LRRC9: variants seen among roughly 807,000 people sequenced by gnomAD.
LRRC9 encodes leucine rich repeat containing 9, also known as leucine-rich repeat-containing protein 9.
LRRC9 carries 122 observed loss-of-function variants against 63.2 expected under a neutral mutation model. The observed-to-expected ratio is 1.93, with a 90% confidence interval of 1.67 to 2.24. The LOEUF is 2.24. LRRC9 is among the 30% of genes most tolerant of loss of function. LRRC9 has a pLI of 0.00. For missense variants in LRRC9, 1,071 were observed against 627.7 expected, an observed-to-expected ratio of 1.71 and a Z score of -7.55; for synonymous variants, 366 against 213.1, an observed-to-expected ratio of 1.72 and a Z score of -6.25.
Position 59,967,090 on chromosome 14 carries a change from C to A in LRRC9, c.1389-6C>A. ...TCAAACTTTTTCTGTTTCAATTATTCTTAAGGAGCTACCGAAGGATGCTGG... is the reference window on the plus strand; with the variant it reads ...TCAAACTTTTTCTGTTTCAATTATTATTAAGGAGCTACCGAAGGATGCTGG... On this transcript the variant is annotated splice_region_variant and splice_polypyrimidine_tract_variant and intron_variant, in intron 11 of 31. Coordinates refer to ENST00000445360, the Ensembl canonical transcript of LRRC9. 1 of 621,662 alleles carries A rather than the reference C, an allele frequency of 1.6e-6. No individual in the cohort carries two copies. Among genetic ancestry groups the A allele is most frequent in the South Asian group, 1.8e-5 (1 of 55,386 alleles). 38.5% of individuals were successfully genotyped at this position (621,662 alleles called of 1,614,324 possible). A position where few individuals can be genotyped will look rare whatever the true frequency, so the allele number is the denominator to read the frequency against.
chr14:59,952,263 C>G (rs978008510), intron 8 of LRRC9, among the ~76,000 whole-genome samples: 1 of 152,178 alleles, frequency 6.6e-6, no homozygotes, highest in Admixed American at 6.5e-5. Flanking sequence ...ACCCGATTTT[C>G]CAGGTGCGTC....
At chr14:59,967,943 C>T (rs2140006519) in intron 12 of LRRC9, among the ~76,000 whole-genome samples, 1 of 152,184 alleles carries the variant, frequency 6.6e-6, no homozygotes, top group Non-Finnish European at 1.5e-5. Flanking sequence ...TGAGATAATG[C>T]ATTAAAAATT....
chr14:59,932,426 A>G lies in LRRC9; in HGVS notation c.543+387A>G, dbSNP rs1889778889. ...ATCTCATCATGCCTTAAGACTTTAA[A>G]TACCGTTTATCTACCCTTTAAACTA... On this transcript the variant is annotated intron_variant, in intron 6 of 31. Coordinates refer to ENST00000445360, the Ensembl canonical transcript of LRRC9. This position sits in a 1 kb window ranked among gnomAD's most constrained non-coding sequence, Gnocchi z 4.7. 6.6e-6 allele frequency among the ~76,000 whole-genome samples: 1 copy of G among 152,136 alleles called. No individual in the cohort carries two copies. Among genetic ancestry groups the G allele is most frequent in the Non-Finnish European group, 1.5e-5 (1 of 68,002 alleles).
chr14:59,959,020 C>T (rs754295192), intron 8 of LRRC9, among the ~76,000 whole-genome samples: 11 of 152,178 alleles, frequency 7.2e-5, no homozygotes, highest in Non-Finnish European at 1.2e-4. Context: ...GCATTGGTCT[C>T]ACTGGAAGCT....
chr14:59,946,355 C>T (rs1446844235), intron 8 of LRRC9, among the ~76,000 whole-genome samples: 2 of 150,620 alleles, frequency 1.3e-5, no homozygotes, highest in Admixed American at 6.6e-5. Flanking sequence ...CACAAGAGAT[C>T]AATAAATGGA....
At position 60,031,428 on chromosome 14, in the gene LRRC9, A is replaced by G. The variant is rs897372695; in HGVS notation, c.3922-567A>G. Among the ~76,000 whole-genome samples the G allele has an allele frequency of 6.6e-6, 1 of 152,022 alleles. No homozygotes were observed. Among genetic ancestry groups the G allele is most frequent in the Non-Finnish European group, 1.5e-5 (1 of 67,942 alleles). On this transcript the variant is annotated intron_variant, in intron 28 of 31. Coordinates refer to ENST00000445360, the Ensembl canonical transcript of LRRC9. This position sits in a 1 kb window ranked among gnomAD's most constrained non-coding sequence, Gnocchi z 4.6. ...GCATTTTAGAAATAATTTTGCAAAA[A>G]CTAAAATGTATTTGCAAACTTTCAC...
chr14:60,025,455 T>G (rs219399), intron 27 of LRRC9, among the ~76,000 whole-genome samples: 128,208 of 151,802 alleles, frequency 0.84, 54,621 homozygotes, highest in Non-Finnish European at 0.89. Flanking sequence ...CCTAACCCTG[T>G]AAGGTCTATT....
chr14:59,952,773 G>GT lies in LRRC9; in HGVS notation c.883-7045_883-7044insT, dbSNP rs1594858943. Among the ~76,000 whole-genome samples, 4 of 152,108 alleles carry GT rather than the reference G, an allele frequency of 2.6e-5. No homozygotes were observed. In the East Asian group the frequency reaches 7.7e-4, roughly 29 times the overall value. On this transcript the variant is annotated intron_variant, in intron 8 of 31. Transcript: ENST00000445360. Reference sequence around the variant, plus strand: ...GTCATCTAGGTTTTAAGCCCCGCATGCATTAGGTATTTGTCCTAATGCTCT... The same window carrying GT: ...GTCATCTAGGTTTTAAGCCCCGCATGTCATTAGGTATTTGTCCTAATGCTCT...
At chr14:60,010,054 G>A (rs1231808665) in intron 23 of LRRC9, among the ~76,000 whole-genome samples, 1 of 152,152 alleles carries the variant, frequency 6.6e-6, no homozygotes, top group Admixed American at 6.5e-5. Flanking sequence ...CCAGGTGCAC[G>A]GTGCAAGCTG....
intron 8 of LRRC9, among the ~76,000 whole-genome samples, chr14:59,953,086 CT>C (rs1436841571): frequency 6.6e-6 from 1 of 152,178 alleles, no homozygotes; most frequent in Admixed American, 6.5e-5. Context: ...GGTTCCAAGC[CT>C]TTGCTATTGT....
chr14:60,001,138 C>T (rs1218390636), intron 19 of LRRC9, among the ~76,000 whole-genome samples: 2 of 152,060 alleles, frequency 1.3e-5, no homozygotes, highest in African/African-American at 4.8e-5. Flanking sequence ...TGAAGTGGTA[C>T]AACCACTCTG....
intron 12 of LRRC9, among the ~76,000 whole-genome samples, 181 bp downstream of exon 12, chr14:59,967,394 GT>G (rs1193727454): frequency 1.3e-5 from 2 of 152,180 alleles, no homozygotes; most frequent in African/African-American, 4.8e-5. Context: ...TTATACCAAA[GT>G]AAGCCCATTA....
intron 30 of LRRC9, among the ~76,000 whole-genome samples, chr14:60,054,397 T>C (rs1894120818): frequency 6.6e-6 from 1 of 152,010 alleles, no homozygotes; most frequent in South Asian, 2.1e-4. Flanking sequence ...ACTCTCTCTC[T>C]CCCCACCCCT....
chr14:60,065,056 G>T (rs1456382025), downstream of LRRC9, among the ~76,000 whole-genome samples: 1 of 151,976 alleles, frequency 6.6e-6, no homozygotes, highest in Non-Finnish European at 1.5e-5. Flanking sequence ...GTTAAATTTT[G>T]AGCTATTTAT....
chr14:59,957,152 C>A (rs1243430624), intron 8 of LRRC9, among the ~76,000 whole-genome samples: 3 of 152,098 alleles, frequency 2.0e-5, no homozygotes, highest in South Asian at 4.1e-4. Flanking sequence ...CTCTGTATTT[C>A]CTGAATGTGA....
chr14:59,947,046 G>C (rs1882511106), intron 8 of LRRC9, among the ~76,000 whole-genome samples: 1 of 147,656 alleles, frequency 6.8e-6, no homozygotes, highest in Admixed American at 6.8e-5. Flanking sequence ...TGGGTCAAAT[G>C]GTATTTCTAG....
At chr14:60,035,001 C>A (rs953790285) in intron 29 of LRRC9, among the ~76,000 whole-genome samples, 2 of 152,076 alleles carry the variant, frequency 1.3e-5, no homozygotes, top group African/African-American at 4.8e-5. Flanking sequence ...TTACCAGCAT[C>A]TGTTATTGCC....
At chr14:60,006,480 A>G in exon 22 of LRRC9, 1 of 702,138 alleles carries the variant, frequency 1.4e-6, no homozygotes, top group East Asian at 2.7e-5. Flanking sequence ...CTTTGATAAC[A>G]TGCTTCATCT....
intron 31 of LRRC9, among the ~76,000 whole-genome samples, chr14:60,063,077 T>C (rs760627150): frequency 6.6e-6 from 1 of 152,112 alleles, no homozygotes; most frequent in African/African-American, 2.4e-5. Context: ...TTATTTTTAG[T>C]AAAGGCAGGG....
Sources: allele counts gnomAD v4.1 joint callset (sites outside exome capture counted in the v4.1 genomes callset), GRCh38; gene constraint gnomAD v4.1.1; non-coding constraint Gnocchi (gnomAD v3.1); transcripts MANE v1.5; gene names NCBI Gene and HGNC (gene_info 2026-07-23, HGNC 2026-07-21).